Variants in ZFC3H1 observed in about 807,000 individuals in gnomAD.
ZFC3H1 encodes the protein zinc finger C3H1 domain-containing protein.
A neutral mutation model predicts 243.7 loss-of-function variants in ZFC3H1; 71 were observed. The ratio of observed to expected loss-of-function variants is 0.29; its 90% CI spans 0.24 to 0.36. The LOEUF is 0.36. Ranked by LOEUF, ZFC3H1 falls within the 10% of genes least tolerant of loss-of-function variation. The probability of loss-of-function intolerance (pLI) is 1.00; values close to 1 mark genes in which losing one functional copy is unlikely to be tolerated. For missense variants in ZFC3H1, 1,966 were observed against 2,317.1 expected, an observed-to-expected ratio of 0.85 and a Z score of 3.11; for synonymous variants, 838 against 813.0, an observed-to-expected ratio of 1.03 and a Z score of -0.52.
intron 22 of ZFC3H1, among the ~76,000 whole-genome samples, chr12:71,625,212 C>T (rs912554782): frequency 6.6e-6 from 1 of 152,212 alleles, no homozygotes; most frequent in Non-Finnish European, 1.5e-5. Flanking sequence ...TAAGCGGTAT[C>T]ATGTTATCCA....
intron 27 of ZFC3H1, 119 bp downstream of exon 27, chr12:71,619,195 TG>T: frequency 1.4e-6 from 1 of 734,266 alleles, no homozygotes; most frequent in Non-Finnish European, 2.2e-6. Context: ...TTCTGTTAAG[TG>T]GGTATTCAAG....
In ZFC3H1 at chr12:71,644,107, TCTC is replaced by T. The variant is rs778191876; in HGVS notation, c.1488_1490del (p.Arg497del). 4.3e-6 allele frequency: 7 copies of T among 1,611,566 alleles called. No individual in the cohort carries two copies. Among genetic ancestry groups the T allele is most frequent in the African/African-American group, 1.3e-5 (1 of 74,944 alleles). ...TTGCATTTCTTACTTTACTTCTTGA[TCTC>T]CTCTTGCCACCAACCAATTTCATGA... On this transcript the variant is annotated inframe_deletion, in exon 5 of 35. Transcript: ENST00000378743.
At chr12:71,625,673 T>C (rs1028456715) in intron 22 of ZFC3H1, among the ~76,000 whole-genome samples, 11 of 152,044 alleles carry the variant, frequency 7.2e-5, no homozygotes, top group African/African-American at 1.7e-4. Flanking sequence ...CTGGGTGACA[T>C]AGAGAGACCC....
chr12:71,641,032 A>G (rs185712494), intron 6 of ZFC3H1, among the ~76,000 whole-genome samples: 1 of 152,286 alleles, frequency 6.6e-6, no homozygotes, highest in East Asian at 1.9e-4. Flanking sequence ...AAAAATACAT[A>G]TATATAAATA....
chr12:71,627,099 GAT>G (rs1429723680), intron 21 of ZFC3H1, among the ~76,000 whole-genome samples: 1 of 149,462 alleles, frequency 6.7e-6, no homozygotes, highest in Non-Finnish European at 1.5e-5. Flanking sequence ...AAAGCTTTAA[GAT>G]AGTCAAATAT....
At chr12:71,642,013 C>A (rs1465849378) in intron 6 of ZFC3H1, among the ~76,000 whole-genome samples, 2 of 152,096 alleles carry the variant, frequency 1.3e-5, no homozygotes, top group African/African-American at 4.8e-5. Context: ...CCACACCCAG[C>A]GAATTTTTGT....
rs77925983 is a variant in ZFC3H1 at position 71,646,029 on chromosome 12, T to C, written c.1081-954A>G. ...ATTCCAAAAGATTAAGGCCCACTTATCTAATAACTTTTTCTTATAGGTAAA... is the reference window on the plus strand; with the variant it reads ...ATTCCAAAAGATTAAGGCCCACTTACCTAATAACTTTTTCTTATAGGTAAA... On this transcript the variant is annotated intron_variant, in intron 3 of 34. Transcript: ENST00000378743. Among the ~76,000 whole-genome samples, 682 of 152,336 alleles carry C rather than the reference T, an allele frequency of 4.5e-3. 6 individuals carry two copies. The highest frequency in any genetic ancestry group is 0.016 in the African/African-American group (656 of 41,588).
Position 71,624,237 on chromosome 12 carries a change from A to C in ZFC3H1, c.4373T>G (p.Leu1458Trp). Residue 1458 changes from leucine (L) to tryptophan (W), a missense_variant, in exon 23 of 35, where the codon TTG becomes TGG. By Grantham distance (61) the Leu-to-Trp change is moderately conservative. Around this residue, in one of 4 missense-constraint regions of ZFC3H1, gnomAD observed 1,383 missense variants for 1,723.7 expected, o/e 0.80. Transcript: ENST00000378743. ...CTTGGCTGCTCCCATCAGAAACTCC[A>C]ACATTCTCTCACATACGTAATCCTT... ...EEKDYVCERM[L>W]EFLMGAAKQE... 1.9e-6 allele frequency: 3 copies of C among 1,614,040 alleles called. No homozygotes were observed. The highest frequency in any genetic ancestry group is 2.5e-6 in the Non-Finnish European group (3 of 1,179,942).
rs1448596331 is a variant in ZFC3H1, at chr12:71,628,968, T to C, written c.3896A>G (p.Asp1299Gly). 1 of 1,613,172 alleles carries C rather than the reference T, an allele frequency of 6.2e-7. No individual in the cohort carries two copies. Among genetic ancestry groups the C allele is most frequent in the Non-Finnish European group, 8.5e-7 (1 of 1,179,790 alleles). The change falls in exon 20 of 35, where the codon GAT (aspartate) becomes GGT (glycine). Residue 1299 changes from aspartate (D) to glycine (G), a missense_variant. Physicochemically the swap from Asp to Gly is moderately conservative, Grantham distance 94. Transcript: ENST00000378743. The stretch of plus-strand genomic sequence containing the variant: ...TTCCTCATCACTACTGAAGCTATTA[T>C]CTGAAATAGGTTTTCTCCAAAACTT... Reference protein sequence around the residue: ...KPKFWRKPISDNSFSSDEEQS... With the variant: ...KPKFWRKPISGNSFSSDEEQS...
intron 18 of ZFC3H1, among the ~76,000 whole-genome samples, chr12:71,629,980 G>A (rs904446126): frequency 2.0e-5 from 3 of 151,610 alleles, no homozygotes; most frequent in Non-Finnish European, 4.4e-5. Flanking sequence ...AATTGGGAGC[G>A]ATAAAATAGA....
intron 27 of ZFC3H1, 143 bp downstream of exon 27, chr12:71,619,172 T>C (rs973694031): frequency 2.5e-5 from 16 of 630,884 alleles, no homozygotes; most frequent in Non-Finnish European, 3.4e-5. Context: ...TTCTATTTAT[T>C]CTGTTTCAAG....
At chr12:71,643,354 A>C (rs527517798) in intron 5 of ZFC3H1, among the ~76,000 whole-genome samples, 32 of 152,020 alleles carry the variant, frequency 2.1e-4, no homozygotes, top group Non-Finnish European at 3.8e-4. Flanking sequence ...TGGAGGTTGC[A>C]GTGAGCCGAA....
Position 71,649,789 on chromosome 12 carries a change from G to T in ZFC3H1, c.1016-1976C>A, listed in dbSNP as rs547557367. On this transcript the variant is annotated intron_variant, in intron 2 of 34. Coordinates refer to ENST00000378743, the MANE Select transcript of ZFC3H1 (RefSeq NM_144982.5). ...CATGAGAAATCTACTGGTTGATTAG[G>T]ATCTCACTTGTCTATAAAAAATGGC... 1.2e-3 allele frequency among the ~76,000 whole-genome samples: 177 copies of T among 152,272 alleles called. 1 individual carries two copies. Among genetic ancestry groups the T allele is most frequent in the African/African-American group, 4.0e-3 (168 of 41,558 alleles).
intron 12 of ZFC3H1, among the ~76,000 whole-genome samples, chr12:71,633,672 A>C (rs1484900262): frequency 6.6e-6 from 1 of 152,166 alleles, no homozygotes; most frequent in Non-Finnish European, 1.5e-5. Flanking sequence ...TTTAAGCCTG[A>C]GGTAACGTGA....
At chr12:71,611,918 G>A (rs750710182) in intron 31 of ZFC3H1, 31 bp from the exon 32 acceptor site, 2 of 1,444,622 alleles carry the variant, frequency 1.4e-6, no homozygotes, top group Non-Finnish European at 1.9e-6. Context: ...AATGAACAAA[G>A]CATTGCAAGT....
intron 7 of ZFC3H1, among the ~76,000 whole-genome samples, chr12:71,638,169 A>G (rs1208166372): frequency 1.3e-5 from 2 of 152,168 alleles, no homozygotes; most frequent in African/African-American, 4.8e-5. Flanking sequence ...ATCTGAGAGT[A>G]AAGTGAAGAA....
At chr12:71,619,459 T>C (rs1013978147) in intron 26 of ZFC3H1, 50 bp from the exon 27 acceptor site, 15 of 1,550,044 alleles carry the variant, frequency 9.7e-6, no homozygotes, top group Non-Finnish European at 1.3e-5. Context: ...CAATGTTTAA[T>C]TAAAATGTCA....
At chr12:71,637,569 T>C (rs1880494629) in intron 7 of ZFC3H1, among the ~76,000 whole-genome samples, 1 of 152,224 alleles carries the variant, frequency 6.6e-6, no homozygotes, top group Non-Finnish European at 1.5e-5. Flanking sequence ...AGAATATCTA[T>C]AAAGGAAACT....
chr12:71,630,529 A>T, intron 18 of ZFC3H1, 71 bp downstream of exon 18: 1 of 1,537,394 alleles, frequency 6.5e-7, no homozygotes, highest in East Asian at 2.3e-5. Context: ...CAATGTCAAC[A>T]ACTAATATAG....
Sources: gnomAD v4.1 joint callset for allele counts (sites outside exome capture counted in the v4.1 genomes callset) on GRCh38, gnomAD v4.1.1 for gene constraint, gnomAD v4.1.1 regional missense constraint, MANE v1.5 for transcripts, NCBI Gene and HGNC (gene_info 2026-07-23, HGNC 2026-07-21) for gene names.